THRB: variants seen among roughly 807,000 people sequenced by gnomAD.
THRB encodes the protein thyroid hormone receptor beta, also known as nuclear receptor subfamily 1 group A member 2.
Under a neutral mutation model 47.8 loss-of-function variants are expected in THRB, and 12 were observed. The ratio of observed to expected loss-of-function variants is 0.25; its 90% CI spans 0.16 to 0.41. THRB has a LOEUF of 0.41. Among genes scored for constraint, THRB ranks in the 10% least tolerant of loss-of-function variants. The pLI is 1.00. For synonymous variants in THRB, 218 were observed against 212.2 expected, an observed-to-expected ratio of 1.03 and a Z score of -0.24; for missense variants, 348 against 589.2, an observed-to-expected ratio of 0.59 and a Z score of 4.24.
chr3:24,341,183 CTTTCG>C (rs2062621762), intron 1 of THRB, among the ~76,000 whole-genome samples: 1 of 47,128 alleles, frequency 2.1e-5, no homozygotes, highest in African/African-American at 1.5e-4. Context: ...CTTTCCTTTC[CTTTCG>C]TTTCCTTTCC....
chr3:24,296,226 C>A (rs1479494172), intron 3 of THRB, among the ~76,000 whole-genome samples: 2 of 152,166 alleles, frequency 1.3e-5, no homozygotes, highest in African/African-American at 4.8e-5. Flanking sequence ...GAGAAAAGGA[C>A]CAGCTCTCAG....
rs34740399 is a variant in THRB, at chr3:24,188,858, AATAT to A, written c.283+1212_283+1215del. Among the ~76,000 whole-genome samples the A allele has an allele frequency of 5.4e-3, 507 of 94,290 alleles. 21 individuals are homozygous for A. The highest frequency in any genetic ancestry group is 0.022 in the Middle Eastern group (4 of 184). 61.9% of individuals were successfully genotyped at this position (94,290 alleles called of 152,430 possible). A position where few individuals can be genotyped will look rare whatever the true frequency, so the allele number is the denominator to read the frequency against. Reference sequence around the variant, plus strand: ...CCTTTCAATTTCTCAGATCTCCTCAAATATATATATATATATATATATATATGAG... The same window carrying A: ...CCTTTCAATTTCTCAGATCTCCTCAAATATATATATATATATATATATGAG... On this transcript the variant is annotated intron_variant, in intron 5 of 10. Coordinates refer to ENST00000646209, the MANE Select transcript of THRB (RefSeq NM_001354712.2).
At chr3:24,169,665 T>C (rs1180925378) in intron 5 of THRB, among the ~76,000 whole-genome samples, 1 of 147,888 alleles carries the variant, frequency 6.8e-6, no homozygotes, top group Non-Finnish European at 1.5e-5. Flanking sequence ...TATATATACA[T>C]AATAATTATA....
intron 6 of THRB, 46 bp downstream of exon 6, chr3:24,152,344 A>T: frequency 1.0e-6 from 1 of 996,796 alleles, no homozygotes; most frequent in Non-Finnish European, 1.6e-6. Context: ...CTGGGAGGGG[A>T]CTGGAGCTGG....
At chr3:24,489,417 T>C (rs1002928735) in intron 1 of THRB, among the ~76,000 whole-genome samples, 3 of 152,196 alleles carry the variant, frequency 2.0e-5, no homozygotes, top group African/African-American at 7.2e-5. Flanking sequence ...AAATTTAATG[T>C]GTCTGAGCAA....
intron 3 of THRB, among the ~76,000 whole-genome samples, chr3:24,277,536 G>A (rs1286349585): frequency 6.6e-6 from 1 of 152,120 alleles, no homozygotes; most frequent in African/African-American, 2.4e-5. Context: ...GATGCTGCTG[G>A]TTGGGATCCC....
At chr3:24,399,722 C>T (rs2067252681) in intron 1 of THRB, among the ~76,000 whole-genome samples, 1 of 152,102 alleles carries the variant, frequency 6.6e-6, no homozygotes, top group South Asian at 2.1e-4. Context: ...GTCACTTTCT[C>T]ATTTATAGAA....
intron 3 of THRB, among the ~76,000 whole-genome samples, chr3:24,271,312 A>C (rs556981445): frequency 6.6e-6 from 1 of 152,326 alleles, no homozygotes; most frequent in African/African-American, 2.4e-5. Context: ...TCTCTGTTCT[A>C]TCTCTCAGGA....
intron 2 of THRB, among the ~76,000 whole-genome samples, chr3:24,301,674 G>T (rs2056954224): frequency 6.6e-6 from 1 of 152,114 alleles, no homozygotes; most frequent in Non-Finnish European, 1.5e-5. Context: ...AAATGTTTGT[G>T]GTAGGCACAA....
chr3:24,435,096 T>C (rs781411144), intron 1 of THRB, among the ~76,000 whole-genome samples: 9 of 152,108 alleles, frequency 5.9e-5, no homozygotes, highest in Non-Finnish European at 1.0e-4. Flanking sequence ...GCTGCCTTCA[T>C]TGAAAACCAA....
intron 1 of THRB, among the ~76,000 whole-genome samples, chr3:24,464,531 G>A (rs999509077): frequency 6.6e-6 from 1 of 152,134 alleles, no homozygotes; most frequent in Non-Finnish European, 1.5e-5. Flanking sequence ...TCTGATGCTT[G>A]TAGACAGCAT....
At chr3:24,170,369 T>G (rs2040271603) in intron 5 of THRB, among the ~76,000 whole-genome samples, 2 of 152,180 alleles carry the variant, frequency 1.3e-5, no homozygotes, top group African/African-American at 4.8e-5. Context: ...CCTTCTGGCT[T>G]TCTCATTAGC....
intron 2 of THRB, among the ~76,000 whole-genome samples, chr3:24,336,363 C>A (rs981094048): frequency 6.6e-6 from 1 of 152,214 alleles, no homozygotes; most frequent in Non-Finnish European, 1.5e-5. Flanking sequence ...AGGCCTGGCT[C>A]CCGCAGCCAG....
intron 3 of THRB, among the ~76,000 whole-genome samples, chr3:24,282,975 T>G (rs2054790534): frequency 6.6e-6 from 1 of 151,902 alleles, no homozygotes. Flanking sequence ...CAGGACCAGA[T>G]GGATTCACAG....
chr3:24,393,708 A>G (rs1160799027), intron 1 of THRB, among the ~76,000 whole-genome samples: 1 of 152,160 alleles, frequency 6.6e-6, no homozygotes, highest in African/African-American at 2.4e-5. Flanking sequence ...CATGGACAGT[A>G]GCAATGTTTT....
chr3:24,178,349 T>C (rs572342123), intron 5 of THRB, among the ~76,000 whole-genome samples: 1 of 152,250 alleles, frequency 6.6e-6, no homozygotes, highest in South Asian at 2.1e-4. Context: ...GAGGAAAGGC[T>C]GGGTGCGGTG....
rs183743885 is a variant in THRB at position 24,482,037 on chromosome 3, C to G, written c.-261+12615G>C. Among the ~76,000 whole-genome samples the G allele has an allele frequency of 6.6e-4, 100 of 152,120 alleles. 1 individual carries two copies. The East Asian group carries it at 0.017, about 25-fold the overall frequency. On this transcript the variant is annotated intron_variant, in intron 1 of 10. Coordinates refer to ENST00000646209, the MANE Select transcript of THRB (RefSeq NM_001354712.2). The stretch of plus-strand genomic sequence containing the variant: ...ACAGAGATTGTTATCAATAAACAGA[C>G]AGTAACAATTTAAAACTAACTAAAG...
intron 2 of THRB, among the ~76,000 whole-genome samples, chr3:24,324,470 A>G (rs2058685347): frequency 6.6e-6 from 1 of 152,128 alleles, no homozygotes; most frequent in Non-Finnish European, 1.5e-5. Context: ...TCCTTGAGAA[A>G]TTGTGTTGCT....
At chr3:24,155,415 C>T (rs535289721) in intron 5 of THRB, among the ~76,000 whole-genome samples, 1 of 152,270 alleles carries the variant, frequency 6.6e-6, no homozygotes, top group Admixed American at 6.5e-5. Flanking sequence ...TAACTCTGAA[C>T]CATCTTATTT....
Sources: allele counts gnomAD v4.1 joint callset (sites outside exome capture counted in the v4.1 genomes callset), GRCh38; gene constraint gnomAD v4.1.1; transcripts MANE v1.5; gene names NCBI Gene and HGNC (gene_info 2026-07-23, HGNC 2026-07-21).